Variants in KIFAP3 observed in about 807,000 individuals in gnomAD.
The protein encoded by KIFAP3 is kinesin associated protein 3.
Under a neutral mutation model 106.5 loss-of-function variants are expected in KIFAP3, and 68 were observed. The ratio of observed to expected loss-of-function variants is 0.64; its 90% CI spans 0.53 to 0.78. KIFAP3 has a LOEUF of 0.78. Ranked by LOEUF, KIFAP3 falls within the 30% of genes least tolerant of loss-of-function variation. KIFAP3 has a pLI of 0.00. For missense variants in KIFAP3, 780 were observed against 941.8 expected, an observed-to-expected ratio of 0.83 and a Z score of 2.25; for synonymous variants, 320 against 311.5, an observed-to-expected ratio of 1.03 and a Z score of -0.29.
At chr1:170,073,216 A>G (rs1671782538) in intron 1 of KIFAP3, among the ~76,000 whole-genome samples, 1 of 152,246 alleles carries the variant, frequency 6.6e-6, no homozygotes, top group African/African-American at 2.4e-5. Flanking sequence ...AGTAAAATTC[A>G]GTGAGGAAAT....
intron 15 of KIFAP3, among the ~76,000 whole-genome samples, chr1:169,978,608 T>TA (rs1666352101): frequency 6.6e-6 from 1 of 152,040 alleles, no homozygotes; most frequent in Non-Finnish European, 1.5e-5. Context: ...ATTATAATAG[T>TA]AAAAAAGTTA....
chr1:169,954,174 A>T, intron 18 of KIFAP3, 64 bp from the exon 19 acceptor site: 1 of 908,424 alleles, frequency 1.1e-6, no homozygotes, highest in Non-Finnish European at 1.8e-6. Flanking sequence ...TCTATCAAGC[A>T]ATACAATAAG....
Position 169,997,483 on chromosome 1 carries a change from C to T in KIFAP3, c.1184-5228G>A, listed in dbSNP as rs566912717. 3.7e-4 allele frequency among the ~76,000 whole-genome samples: 56 copies of T among 152,084 alleles called. 1 individual carries two copies. In the Middle Eastern group the frequency reaches 0.017, roughly 46 times the overall value. ...AAGTAAAGTAAGTTGGAGAGGCAGC[C>T]GAGATTTCTGAGATAAGCTAGACAC... On this transcript the variant is annotated intron_variant, in intron 10 of 19. Coordinates refer to ENST00000361580, the MANE Select transcript of KIFAP3 (RefSeq NM_014970.4).
chr1:170,055,827 A>G (rs1670823424), intron 1 of KIFAP3, among the ~76,000 whole-genome samples: 1 of 152,140 alleles, frequency 6.6e-6, no homozygotes, highest in Non-Finnish European at 1.5e-5. Flanking sequence ...CTGCCTTAAA[A>G]TTTATATTAA....
At chr1:170,076,216 G>GCAA (rs973069986), upstream of KIFAP3, among the ~76,000 whole-genome samples, 4 of 151,886 alleles carry the variant, frequency 2.6e-5, no homozygotes, top group South Asian at 2.1e-4. Flanking sequence ...AAAAACAATA[G>GCAA]CAACAACAAC....
chr1:169,932,124 C>T (rs949711784), intron 19 of KIFAP3, among the ~76,000 whole-genome samples: 1 of 152,128 alleles, frequency 6.6e-6, no homozygotes, highest in African/African-American at 2.4e-5. Context: ...TTGGATTACT[C>T]AGGCTGCTAG....
intron 18 of KIFAP3, among the ~76,000 whole-genome samples, chr1:169,957,245 A>G (rs949450439): frequency 6.6e-6 from 1 of 152,218 alleles, no homozygotes. Context: ...ATTTCATGGA[A>G]CATTTAAATG....
chr1:170,023,048 C>T (rs1348371530), intron 9 of KIFAP3, among the ~76,000 whole-genome samples: 2 of 152,032 alleles, frequency 1.3e-5, no homozygotes, highest in African/African-American at 4.8e-5. Context: ...TTTAGCCATA[C>T]TCTAACTACT....
At chr1:170,041,075 G>A (rs578042630) in intron 3 of KIFAP3, among the ~76,000 whole-genome samples, 11 of 151,828 alleles carry the variant, frequency 7.2e-5, no homozygotes, top group Non-Finnish European at 1.2e-4. Context: ...CGCCCGCCTC[G>A]GCCTCCCAAA....
In KIFAP3 at chr1:169,992,098, G is replaced by A. The variant is rs1667135313; in HGVS notation, c.1284+57C>T. ...AAAATCTTGACAAATCAAGAGAAAA[G>A]AGTAAAAAATATATATATTTGTTAA... On this transcript the variant is annotated intron_variant, in intron 11 of 19. Transcript: ENST00000361580. 3 of 766,376 alleles carry A rather than the reference G, an allele frequency of 3.9e-6. No homozygotes were observed. In the South Asian group the frequency reaches 1.1e-4, roughly 28 times the overall value. The allele number at this position is 766,376 out of a possible 1,614,324, so 47.5% of individuals were successfully genotyped here. A position where few individuals can be genotyped will look rare whatever the true frequency, so the allele number is the denominator to read the frequency against.
At chr1:169,983,130 C>T (rs1252776875) in intron 13 of KIFAP3, 140 bp downstream of exon 13, 1 of 631,946 alleles carries the variant, frequency 1.6e-6, no homozygotes, top group Non-Finnish European at 2.7e-6. Flanking sequence ...TTTCTAGGTG[C>T]TAAACTAACA....
intron 9 of KIFAP3, among the ~76,000 whole-genome samples, chr1:170,017,611 G>T (rs1668591469): frequency 6.6e-6 from 1 of 152,148 alleles, no homozygotes; most frequent in Admixed American, 6.6e-5. Context: ...AATCATAAAG[G>T]CTTTTAATGC....
intron 3 of KIFAP3, among the ~76,000 whole-genome samples, chr1:170,042,085 T>C (rs1180785019): frequency 1.3e-5 from 2 of 152,148 alleles, no homozygotes; most frequent in African/African-American, 4.8e-5. Context: ...TTTATCTGTT[T>C]TGCTAGGTTA....
intron 19 of KIFAP3, among the ~76,000 whole-genome samples, chr1:169,935,583 A>G: frequency 6.6e-6 from 1 of 152,020 alleles, no homozygotes; most frequent in Non-Finnish European, 1.5e-5. Context: ...AAAAGAGAAC[A>G]TATTCAGGAA....
chr1:170,053,414 G>A (rs371702104), intron 2 of KIFAP3, among the ~76,000 whole-genome samples: 1 of 151,836 alleles, frequency 6.6e-6, no homozygotes, highest in East Asian at 1.9e-4. Context: ...ACTGCTCAAG[G>A]TTTATAAATT....
chr1:169,971,617 C>T (rs541655), intron 17 of KIFAP3, among the ~76,000 whole-genome samples: 36,863 of 151,828 alleles, frequency 0.24, 4,842 homozygotes, highest in Non-Finnish European at 0.29. Flanking sequence ...AAGTTCCTAA[C>T]GGTGATTGTC....
intron 10 of KIFAP3, among the ~76,000 whole-genome samples, chr1:170,015,659 C>T (rs184258193): frequency 3.8e-4 from 58 of 152,218 alleles, no homozygotes; most frequent in Non-Finnish European, 7.1e-4. Flanking sequence ...TAGACAGGCA[C>T]TTAGGCATAA....
chr1:169,947,166 G>A (rs1041509646), intron 19 of KIFAP3, among the ~76,000 whole-genome samples: 12 of 151,756 alleles, frequency 7.9e-5, no homozygotes, highest in Non-Finnish European at 1.3e-4. Context: ...TATTTCTATT[G>A]GTCTTACCTA....
At chr1:170,079,208 G>A (rs961035430), upstream of KIFAP3, among the ~76,000 whole-genome samples, 3 of 152,056 alleles carry the variant, frequency 2.0e-5, no homozygotes, top group Non-Finnish European at 2.9e-5. Flanking sequence ...TTGACAAAAA[G>A]AGCCTAGCAC....
Sources: gnomAD v4.1 joint callset for allele counts (sites outside exome capture counted in the v4.1 genomes callset) on GRCh38, gnomAD v4.1.1 for gene constraint, MANE v1.5 for transcripts, NCBI Gene and HGNC (gene_info 2026-07-23, HGNC 2026-07-21) for gene names.